The following TMEM165 variants were observed in gnomAD, a reference collection of about 807,000 sequenced individuals.
TMEM165 encodes the protein putative divalent cation/proton antiporter TMEM165.
In TMEM165, 19 loss-of-function variants were observed where a neutral mutation model predicts 30.0. The ratio of observed to expected loss-of-function variants is 0.63; its 90% CI spans 0.44 to 0.93. The LOEUF (loss-of-function observed/expected upper bound fraction) is 0.93. Ranked by LOEUF, TMEM165 falls within the 40% of genes least tolerant of loss-of-function variation. The probability of loss-of-function intolerance (pLI) is 0.00; values close to 1 mark genes in which losing one functional copy is unlikely to be tolerated. For synonymous variants in TMEM165, 168 were observed against 162.9 expected (o/e 1.03, Z -0.24); for missense variants, 340 against 417.0 (o/e 0.82, Z 1.61).
intron 3 of TMEM165, among the ~76,000 whole-genome samples, chr4:55,436,113 C>T (rs1372069226): frequency 6.6e-6 from 1 of 152,174 alleles, no homozygotes; most frequent in Non-Finnish European, 1.5e-5. Flanking sequence ...AAGCTGTTTA[C>T]TTCTCTGGGC....
chr4:55,418,087 C>T (rs1721815076), intron 4 of TMEM165, 102 bp downstream of exon 4: 1 of 1,107,774 alleles, frequency 9.0e-7, no homozygotes, highest in Middle Eastern at 2.2e-4. Flanking sequence ...AGCATTCCTT[C>T]ATATGCAAGA....
At chr4:55,427,007 TAAAGAA>T (rs1722233856), downstream of TMEM165, among the ~76,000 whole-genome samples, 1 of 151,354 alleles carries the variant, frequency 6.6e-6, no homozygotes, top group African/African-American at 2.4e-5. Flanking sequence ...TTGTTTGTTA[TAAAGAA>T]AGAGTGAGGA....
intron 1 of TMEM165, among the ~76,000 whole-genome samples, chr4:55,400,465 TCTCA>T (rs762988402): frequency 9.1e-5 from 13 of 143,120 alleles, no homozygotes; most frequent in Non-Finnish European, 1.6e-4. Context: ...TATTTTTTTG[TCTCA>T]CTCTGTCGCC....
chr4:55,447,695 CTAA>C (rs1214280603), intron 3 of TMEM165, among the ~76,000 whole-genome samples: 2 of 152,106 alleles, frequency 1.3e-5, no homozygotes, highest in Non-Finnish European at 2.9e-5. Flanking sequence ...GATTAAAAAA[CTAA>C]TAATATAGAA....
At chr4:55,407,895 A>G (rs1262106543) in intron 1 of TMEM165, among the ~76,000 whole-genome samples, 1 of 152,220 alleles carries the variant, frequency 6.6e-6, no homozygotes, top group Non-Finnish European at 1.5e-5. Flanking sequence ...CCTTTGAGAC[A>G]TAGGTAGCCC....
At position 55,425,767 on chromosome 4, in the gene TMEM165, C is replaced by T. The variant is rs1722170801; in HGVS notation, c.*315C>T. On this transcript the variant is annotated 3_prime_UTR_variant, in exon 6 of 6. Transcript: ENST00000381334. ...TGCAATTTTCTTTCAGCACTGACCC[C>T]TTTTTAAGGAATACAAATTTTCTCC... 1 of 181,864 alleles carries T rather than the reference C, an allele frequency of 5.5e-6. No homozygotes were observed. The highest frequency in any genetic ancestry group is 2.2e-3 in the Middle Eastern group (1 of 454). The allele number at this position is 181,864 out of a possible 1,614,324, so 11.3% of individuals were successfully genotyped here. A position where few individuals can be genotyped will look rare whatever the true frequency, so the allele number is the denominator to read the frequency against.
At chr4:55,452,948 G>A in exon 4 of TMEM165, 1 of 796,406 alleles carries the variant, frequency 1.3e-6, no homozygotes, top group Non-Finnish European at 2.0e-6. Context: ...CGTTATAAGT[G>A]AGGAAATAAA....
At chr4:55,396,482 C>T (rs540049271) in intron 1 of TMEM165, 86 bp downstream of exon 1, 3 of 1,187,144 alleles carry the variant, frequency 2.5e-6, no homozygotes, top group East Asian at 6.4e-5. Context: ...CGCCGCACTC[C>T]GCCGGCCTCG....
Position 55,422,249 on chromosome 4 carries a change from C to G in TMEM165, c.793-2289C>G, listed in dbSNP as rs78400097. Among the ~76,000 whole-genome samples the G allele has an allele frequency of 5.0e-3, 754 of 152,270 alleles. 8 individuals carry two copies. Among genetic ancestry groups the G allele is most frequent in the African/African-American group, 0.017 (727 of 41,548 alleles). Reference sequence around the variant, plus strand: ...ATCAACATTCTTCTCTTTCTGCTTTCTCTGTAACAGGTTTATTGACTCTTT... The same window carrying G: ...ATCAACATTCTTCTCTTTCTGCTTTGTCTGTAACAGGTTTATTGACTCTTT... On this transcript the variant is annotated intron_variant, in intron 4 of 5. Coordinates refer to ENST00000381334, the MANE Select transcript of TMEM165 (RefSeq NM_018475.5).
Position 55,396,222 on chromosome 4 carries a change from A to G in TMEM165, c.33A>G (p.Ala11=). The change falls in exon 1 of 6, where the codon GCA becomes GCG. Residue 11 remains alanine, a synonymous_variant. Coordinates refer to ENST00000381334, the MANE Select transcript of TMEM165 (RefSeq NM_018475.5). ...CCGCGGCTCCAGGGAACGGCCGCGC[A>G]TCGGCGCCCCGGCTGCTTCTGCTCT... MAAAAPGNGR[A]SAPRLLLLFL... is the part of the protein sequence containing the mutation. 6.9e-7 allele frequency: 1 copy of G among 1,458,374 alleles called. No homozygotes were observed. The highest frequency in any genetic ancestry group is 9.0e-7 in the Non-Finnish European group (1 of 1,109,264). The allele number at this position is 1,458,374 out of a possible 1,614,324, so 90.3% of individuals were successfully genotyped here. A position where few individuals can be genotyped will look rare whatever the true frequency, so the allele number is the denominator to read the frequency against.
chr4:55,421,206 A>G (rs1490739105), intron 4 of TMEM165, among the ~76,000 whole-genome samples: 2 of 150,712 alleles, frequency 1.3e-5, no homozygotes, highest in Non-Finnish European at 3.0e-5. Context: ...CAGTATACAA[A>G]TAAAGACTGG....
intron 1 of TMEM165, among the ~76,000 whole-genome samples, chr4:55,399,536 A>G (rs1180846303): frequency 6.6e-6 from 1 of 152,166 alleles, no homozygotes; most frequent in Non-Finnish European, 1.5e-5. Context: ...TGAATATGTA[A>G]CTTTGCAGGT....
exon 4 of TMEM165, chr4:55,452,684 G>A (rs908388193): frequency 3.6e-5 from 7 of 196,510 alleles, no homozygotes; most frequent in African/African-American, 1.2e-4. Flanking sequence ...CTTTAGGGAA[G>A]ATTTTTTTTT....
chr4:55,435,695 A>G, intron 3 of TMEM165: 1 of 1,216,592 alleles, frequency 8.2e-7, no homozygotes, highest in Middle Eastern at 1.9e-4. Context: ...AAAATCCTTA[A>G]AATTCTACAT....
downstream of TMEM165, chr4:55,427,945 C>T (rs1722302293): frequency 6.6e-6 from 1 of 152,100 alleles, no homozygotes; most frequent in Non-Finnish European, 1.5e-5. Context: ...TCTTTAAAAT[C>T]CAAAATGTGA....
intron 3 of TMEM165, 46 bp downstream of exon 3, chr4:55,417,293 G>C: frequency 6.3e-7 from 1 of 1,574,870 alleles, no homozygotes; most frequent in South Asian, 1.2e-5. Flanking sequence ...CACTCAACTA[G>C]GAATAAACAC....
chr4:55,403,510 T>TA, intron 1 of TMEM165, among the ~76,000 whole-genome samples: 1 of 147,820 alleles, frequency 6.8e-6, no homozygotes, highest in East Asian at 2.0e-4. Flanking sequence ...TTTTTTTTTT[T>TA]TTACAATTTT....
intron 1 of TMEM165, chr4:55,399,071 G>A (rs554228134): frequency 1.3e-5 from 2 of 151,980 alleles, no homozygotes; most frequent in African/African-American, 4.8e-5. Flanking sequence ...AGTTAATTCC[G>A]GGACTCTTAT....
downstream of TMEM165, chr4:55,429,231 G>C (rs566313240): frequency 6.6e-6 from 1 of 152,114 alleles, no homozygotes; most frequent in South Asian, 2.1e-4. Flanking sequence ...ATTTGAAAAC[G>C]TATCTTCAGT....
Sources: gnomAD v4.1 joint callset for allele counts (sites outside exome capture counted in the v4.1 genomes callset) on GRCh38, gnomAD v4.1.1 for gene constraint, MANE v1.5 for transcripts, NCBI Gene and HGNC (gene_info 2026-07-23, HGNC 2026-07-21) for gene names.